The following NAA15 variants were observed in gnomAD, a reference collection of about 807,000 sequenced individuals.
NAA15 encodes N-alpha-acetyltransferase 15, NatA auxiliary subunit, also known as N-terminal acetyltransferase.
Under a neutral mutation model 114.0 loss-of-function variants are expected in NAA15, and 34 were observed. The ratio of observed to expected loss-of-function variants is 0.30; its 90% CI spans 0.23 to 0.40. The LOEUF (loss-of-function observed/expected upper bound fraction) is 0.40, where lower values mean the gene tolerates loss of function less well. NAA15 is among the 10% of genes least tolerant of loss of function. NAA15 has a pLI of 1.00. For missense variants in NAA15, 658 were observed against 1,004.5 expected, an observed-to-expected ratio of 0.66 and a Z score of 4.66; for synonymous variants, 340 against 338.0, an observed-to-expected ratio of 1.01 and a Z score of -0.06.
chr4:139,358,344 C>G (rs903567916), intron 11 of NAA15, among the ~76,000 whole-genome samples: 4 of 151,554 alleles, frequency 2.6e-5, no homozygotes, highest in African/African-American at 9.7e-5. Context: ...TATAGGCATG[C>G]ACCACCATAC....
At chr4:139,342,281 G>T (rs1747427978) in intron 4 of NAA15, among the ~76,000 whole-genome samples, 1 of 151,916 alleles carries the variant, frequency 6.6e-6, no homozygotes, top group Admixed American at 6.6e-5. Context: ...CTTAAGTTTG[G>T]TCTTAAGTTT....
chr4:139,305,224 G>A (rs1165451558), intron 1 of NAA15, among the ~76,000 whole-genome samples: 2 of 152,156 alleles, frequency 1.3e-5, no homozygotes, highest in Non-Finnish European at 2.9e-5. Flanking sequence ...AAACCTGTAA[G>A]TTTATTGCCA....
chr4:139,331,617 A>ATT lies in NAA15; in HGVS notation c.55-2539_55-2538dup, dbSNP rs34467609. Among the ~76,000 whole-genome samples the ATT allele has an allele frequency of 2.6e-3, 335 of 127,832 alleles. 1 individual carries two copies. Among genetic ancestry groups the ATT allele is most frequent in the Middle Eastern group, 8.1e-3 (2 of 248 alleles). The allele number at this position is 127,832 out of a possible 152,430, so 83.9% of individuals were successfully genotyped here. On this transcript the variant is annotated intron_variant, in intron 1 of 19. Transcript: ENST00000296543. ...GCCTGCATGCCATCATGCCCGGCTA[A>ATT]TTTTTTTTTTTTTTTTTTTGTATTT...
chr4:139,315,034 A>AT, intron 1 of NAA15, among the ~76,000 whole-genome samples: 1 of 96,706 alleles, frequency 1.0e-5, no homozygotes, highest in African/African-American at 5.0e-5. Context: ...AGGTTAGGTT[A>AT]GGTTAGGTTA....
chr4:139,314,998 C>CAGTTTAGTTTAGTTTAGTTT (rs147452755), intron 1 of NAA15, among the ~76,000 whole-genome samples: 812 of 66,558 alleles, frequency 0.012, 44 homozygotes, highest in African/African-American at 0.019. Context: ...CAGTTCAGTT[C>CAGTTTAGTTTAGTTTAGTTT]AGTTTAGTTT....
chr4:139,354,498 T>G (rs896503554), intron 10 of NAA15, among the ~76,000 whole-genome samples: 6 of 152,000 alleles, frequency 3.9e-5, no homozygotes, highest in Admixed American at 2.0e-4. Flanking sequence ...AGGGTCTCAC[T>G]TTGTTGCCCA....
chr4:139,343,069 A>G (rs2110915686), intron 5 of NAA15, 109 bp downstream of exon 5: 1 of 981,560 alleles, frequency 1.0e-6, no homozygotes, highest in East Asian at 2.6e-5. Flanking sequence ...ACTTATAGAA[A>G]AGTTGCAGGA....
chr4:139,389,477 A>G lies in NAA15; in HGVS notation c.*1393A>G, dbSNP rs1483313085. 1.3e-5 allele frequency: 2 copies of G among 152,594 alleles called. No individual in the cohort carries two copies. Among genetic ancestry groups the G allele is most frequent in the African/African-American group, 4.8e-5 (2 of 41,424 alleles). The allele number at this position is 152,594 out of a possible 1,614,324, so 9.5% of individuals were successfully genotyped here. On this transcript the variant is annotated 3_prime_UTR_variant, in exon 20 of 20. Coordinates refer to ENST00000296543, the MANE Select transcript of NAA15 (RefSeq NM_057175.5). ...AGTGCTGGTGTCAGGGAAATTCCATAATGAAGTAGAATGCTGCTCCTGCAT... is the reference window on the plus strand; with the variant it reads ...AGTGCTGGTGTCAGGGAAATTCCATGATGAAGTAGAATGCTGCTCCTGCAT...
At chr4:139,360,727 G>A (rs1748107048) in intron 13 of NAA15, 99 bp downstream of exon 13, 5 of 1,075,914 alleles carry the variant, frequency 4.6e-6, no homozygotes, top group Admixed American at 3.4e-5. Context: ...ATAATTCATA[G>A]TAGGTGCTTT....
intron 1 of NAA15, among the ~76,000 whole-genome samples, chr4:139,310,020 G>A (rs1746163892): frequency 6.6e-6 from 1 of 152,064 alleles, no homozygotes; most frequent in South Asian, 2.1e-4. Flanking sequence ...TGTGATTGGG[G>A]GACTGGAGAG....
chr4:139,350,825 T>C (rs1051816793), intron 7 of NAA15, among the ~76,000 whole-genome samples: 1 of 152,064 alleles, frequency 6.6e-6, no homozygotes, highest in African/African-American at 2.4e-5. Context: ...AAATTTTAAT[T>C]GAATGGAAGA....
In NAA15 at chr4:139,312,492, T is replaced by C. The variant is rs544883033; in HGVS notation, c.54+10661T>C. Reference sequence around the variant, plus strand: ...TCCTCCTAGGTAAGATAGGAAATTATATTGTTCACTACTTAATATGGCATT... The same window carrying C: ...TCCTCCTAGGTAAGATAGGAAATTACATTGTTCACTACTTAATATGGCATT... On this transcript the variant is annotated intron_variant, in intron 1 of 19. Transcript: ENST00000296543. Among the ~76,000 whole-genome samples, 33 of 152,086 alleles carry C rather than the reference T, an allele frequency of 2.2e-4. 2 individuals carry two copies. The highest frequency in any genetic ancestry group is 4.1e-4 in the South Asian group (2 of 4,820).
At position 139,390,349 on chromosome 4, in the gene NAA15, C is replaced by CA. The variant is rs1749024226; in HGVS notation, c.*2266dup. Reference sequence around the variant, plus strand: ...GGTGTCAGAGGACCTTGACTGGGTTCATTTTATGTCCAGACATCACCCCTG... The same window carrying CA: ...GGTGTCAGAGGACCTTGACTGGGTTCAATTTTATGTCCAGACATCACCCCTG... On this transcript the variant is annotated 3_prime_UTR_variant, in exon 20 of 20. Transcript: ENST00000296543. 1 of 152,590 alleles carries CA rather than the reference C, an allele frequency of 6.6e-6. No individual in the cohort carries two copies. Among genetic ancestry groups the CA allele is most frequent in the Non-Finnish European group, 1.5e-5 (1 of 68,026 alleles). 9.5% of individuals were successfully genotyped at this position (152,590 alleles called of 1,614,324 possible).
chr4:139,378,605 A>G (rs909574241), intron 16 of NAA15, 151 bp from the exon 17 acceptor site: 2 of 421,250 alleles, frequency 4.7e-6, no homozygotes, highest in Admixed American at 4.4e-5. Context: ...TAATGTTGCT[A>G]AATTTGAGGA....
rs1177926549 is a variant in NAA15 at position 139,391,363 on chromosome 4, A to C, written c.*3279A>C. Reference sequence around the variant, plus strand: ...TGGTTGAAAAATTTCAACCTGTAGCAATAAAACATTTTTGGAAAAGATTAC... The same window carrying C: ...TGGTTGAAAAATTTCAACCTGTAGCCATAAAACATTTTTGGAAAAGATTAC... On this transcript the variant is annotated 3_prime_UTR_variant, in exon 20 of 20. Transcript: ENST00000296543. 1 of 152,224 alleles carries C rather than the reference A, an allele frequency of 6.6e-6. No homozygotes were observed. The highest frequency in any genetic ancestry group is 2.4e-5 in the African/African-American group (1 of 41,440). 9.4% of individuals were successfully genotyped at this position (152,224 alleles called of 1,614,324 possible).
At chr4:139,320,761 TC>T (rs1746571742) in intron 1 of NAA15, among the ~76,000 whole-genome samples, 2 of 152,308 alleles carry the variant, frequency 1.3e-5, no homozygotes, top group African/African-American at 2.4e-5. Flanking sequence ...CCTCAGGTGA[TC>T]CGCCCACCTC....
At chr4:139,303,998 A>T (rs1478089268) in intron 1 of NAA15, among the ~76,000 whole-genome samples, 2 of 152,092 alleles carry the variant, frequency 1.3e-5, no homozygotes, top group Admixed American at 6.5e-5. Context: ...GCTCACTGCA[A>T]GCTCCGCCTC....
chr4:139,314,143 G>A (rs981996420), intron 1 of NAA15, among the ~76,000 whole-genome samples: 6 of 151,946 alleles, frequency 3.9e-5, no homozygotes, highest in Non-Finnish European at 7.4e-5. Flanking sequence ...GGCATCTGAA[G>A]GATTACAGTT....
rs1748903328 is a variant in NAA15, at chr4:139,386,147, T to C, written c.2317T>C (p.Tyr773His). The change falls in exon 19 of 20, where the codon TAT becomes CAT. Residue 773 changes from tyrosine to histidine, a missense_variant. Tyr to His is a moderately conservative substitution (Grantham distance 83). Around this residue, in one of 6 missense-constraint regions of NAA15, gnomAD observed 275 missense variants for 371.1 expected, o/e 0.74. Transcript: ENST00000296543. ...PHRLSAAKMVYYLDPSSQKRA... is the reference protein window; with the variant it reads ...PHRLSAAKMVHYLDPSSQKRA... Reference sequence around the variant, plus strand: ...CTCTCATTTAGCTGCCAAAATGGTATATTACTTAGATCCTTCTAGTCAGAA... The same window carrying C: ...CTCTCATTTAGCTGCCAAAATGGTACATTACTTAGATCCTTCTAGTCAGAA... 1 of 1,593,842 alleles carries C rather than the reference T, an allele frequency of 6.3e-7. No individual in the cohort carries two copies. Among genetic ancestry groups the C allele is most frequent in the Non-Finnish European group, 8.6e-7 (1 of 1,169,290 alleles).
Sources: gnomAD v4.1 joint callset for allele counts (sites outside exome capture counted in the v4.1 genomes callset) on GRCh38, gnomAD v4.1.1 for gene constraint, gnomAD v4.1.1 regional missense constraint, MANE v1.5 for transcripts, NCBI Gene and HGNC (gene_info 2026-07-23, HGNC 2026-07-21) for gene names.